TRPM5: variants seen among roughly 807,000 people sequenced by gnomAD.
TRPM5 encodes the protein transient receptor potential cation channel subfamily M member 5.
In TRPM5, 121 loss-of-function variants were observed where a neutral mutation model predicts 124.9. That is an observed-to-expected ratio of 0.97 (90% CI 0.84 to 1.13). TRPM5 has a LOEUF of 1.13. Ranked by LOEUF, TRPM5 falls within the 50% of genes most tolerant of loss-of-function variation. The pLI, the probability that TRPM5 is intolerant of heterozygous loss-of-function variation, is 0.00. For missense variants in TRPM5, 1,643 were observed against 1,589.1 expected (o/e 1.03, Z -0.58); for synonymous variants, 781 against 700.5 (o/e 1.11, Z -1.81).
chr11:2,420,193 C>T (rs1193135349), intron 4 of TRPM5, 29 bp downstream of exon 9: 2 of 1,568,984 alleles, frequency 1.3e-6, no homozygotes, highest in South Asian at 1.1e-5. Context: ...GGTCCCAAGG[C>T]TTCCCTGGGT....
the TRPM5 span, among the ~76,000 whole-genome samples, chr11:2,431,235 G>A: frequency 6.6e-6 from 1 of 152,036 alleles, no homozygotes; most frequent in African/African-American, 2.4e-5. Flanking sequence ...CTCAGACCAG[G>A]GACCCCACAA....
chr11:2,410,747 C>T (rs1047279131), intron 18 of TRPM5: 12 of 449,790 alleles, frequency 2.7e-5, no homozygotes, highest in Non-Finnish European at 4.9e-5. Context: ...CCTGGGGACA[C>T]CCATAGGCAT....
At position 2,409,334 on chromosome 11, in the gene TRPM5, C is replaced by T. The variant is rs376447793; in HGVS notation, c.2783-1422G>A. Among the ~76,000 whole-genome samples the T allele has an allele frequency of 1.4e-4, 22 of 152,118 alleles. 1 individual carries two copies. In the East Asian group the frequency reaches 3.9e-3, roughly 27 times the overall value. On this transcript the variant is annotated intron_variant, in intron 18 of 23. Coordinates refer to ENST00000155858, the Ensembl canonical transcript of TRPM5. ...AGCGGGCCGGGGCCAGCCTGGAGAGCCTGTTTGTGAAGCCGTAAATCTGTC... is the reference window on the plus strand; with the variant it reads ...AGCGGGCCGGGGCCAGCCTGGAGAGTCTGTTTGTGAAGCCGTAAATCTGTC...
the TRPM5 span, among the ~76,000 whole-genome samples, chr11:2,440,676 G>A: frequency 6.6e-6 from 1 of 152,154 alleles, no homozygotes; most frequent in Admixed American, 6.5e-5. This position sits in a 1 kb window ranked among gnomAD's most constrained non-coding sequence, Gnocchi z 5.2. Flanking sequence ...ACTACCTGGT[G>A]GTGAGACAGC....
intron 12 of TRPM5, 52 bp downstream of exon 17, chr11:2,414,009 G>T: frequency 2.9e-6 from 3 of 1,023,734 alleles, no homozygotes; most frequent in South Asian, 1.5e-5. Context: ...GGCCCAGCTC[G>T]CCCGCCCACC....
chr11:2,406,387 G>C (rs1850323478), intron 21 of TRPM5, among the ~76,000 whole-genome samples: 2 of 152,156 alleles, frequency 1.3e-5, no homozygotes. Flanking sequence ...GCCAGGGCTG[G>C]AGGGAAGCCA....
At chr11:2,413,736 G>A in intron 12 of TRPM5, 148 bp from the exon 18 acceptor site, 1 of 793,996 alleles carries the variant, frequency 1.3e-6, no homozygotes, top group Non-Finnish European at 2.1e-6. Flanking sequence ...CCCCGTCCTG[G>A]TGGGCATGTG....
At chr11:2,410,720 C>A (rs1589867929) in intron 18 of TRPM5, 1 of 455,472 alleles carries the variant, frequency 2.2e-6, no homozygotes, top group Non-Finnish European at 4.4e-6. Flanking sequence ...CCAGCCCCAG[C>A]CAGCTACAGG....
At chr11:2,441,642 C>A in the TRPM5 span, among the ~76,000 whole-genome samples, 1 of 152,130 alleles carries the variant, frequency 6.6e-6, no homozygotes, top group Admixed American at 6.5e-5. The surrounding 1 kb of genome is among the most constrained non-coding windows in gnomAD (Gnocchi z 7.2). Context: ...CAGCTCAGGG[C>A]CCAGGAGACA....
intron 6 of TRPM5, 50 bp from the exon 12 acceptor site, chr11:2,417,879 G>T (rs1371005500): frequency 1.3e-6 from 2 of 1,501,476 alleles, no homozygotes; most frequent in East Asian, 4.9e-5. Flanking sequence ...CAGGACGGGG[G>T]CAGAGGCAGG....
chr11:2,404,872 CAG>C, exon 24 of TRPM5: 1 of 1,403,836 alleles, frequency 7.1e-7, no homozygotes, highest in African/African-American at 1.4e-5. Context: ...CGGCAAAGGT[CAG>C]TGCACAACGT....
chr11:2,435,892 G>A, the TRPM5 span, among the ~76,000 whole-genome samples: 2 of 152,198 alleles, frequency 1.3e-5, no homozygotes, highest in African/African-American at 4.8e-5. The surrounding 1 kb of genome is among the most constrained non-coding windows in gnomAD (Gnocchi z 4.1). Context: ...CCAGGATGGC[G>A]AGTCAGTCTC....
upstream of TRPM5, among the ~76,000 whole-genome samples, chr11:2,424,915 C>T (rs1282302743): frequency 6.6e-6 from 1 of 152,232 alleles, no homozygotes; most frequent in African/African-American, 2.4e-5. Flanking sequence ...CCTCCTCCGG[C>T]CAGGCCTGTG....
At chr11:2,411,993 C>A in intron 16 of TRPM5, 142 bp downstream of exon 21, 2 of 917,958 alleles carry the variant, frequency 2.2e-6, no homozygotes, top group Non-Finnish European at 3.4e-6. Context: ...CCTCAACTTC[C>A]CTGGCTCAAG....
rs369858789 is a variant in TRPM5 at position 2,407,740 on chromosome 11, A to G, written c.2936+19T>C. 1 of 1,612,288 alleles carries G rather than the reference A, an allele frequency of 6.2e-7. No individual in the cohort carries two copies. Among genetic ancestry groups the G allele is most frequent in the Non-Finnish European group, 8.5e-7 (1 of 1,179,284 alleles). The stretch of plus-strand genomic sequence containing the variant: ...CCTCCGCTCCAGGGCTCTCTCCTCC[A>G]GGGGTTGGGTGGAGTCACCTGAACA... On this transcript the variant is annotated intron_variant, in intron 19 of 23. Coordinates refer to ENST00000155858, the Ensembl canonical transcript of TRPM5.
chr11:2,420,226 G>A (rs138449434), exon 4 of TRPM5: 844 of 1,596,896 alleles, frequency 5.3e-4, no homozygotes, highest in Non-Finnish European at 6.4e-4. Context: ...TCTCACCCCC[G>A]TAGCCCGCCC....
the TRPM5 span, among the ~76,000 whole-genome samples, chr11:2,437,525 C>A: frequency 1.3e-5 from 2 of 152,108 alleles, no homozygotes; most frequent in Admixed American, 1.3e-4. This position sits in a 1 kb window ranked among gnomAD's most constrained non-coding sequence, Gnocchi z 5.6. Flanking sequence ...GTGGAGTGAC[C>A]ATCTGACATA....
At chr11:2,428,903 G>A in the TRPM5 span, among the ~76,000 whole-genome samples, 7 of 149,420 alleles carry the variant, frequency 4.7e-5, no homozygotes, top group African/African-American at 1.7e-4. This position sits in a 1 kb window ranked among gnomAD's most constrained non-coding sequence, Gnocchi z 4.0. Flanking sequence ...GGTGGTGTTG[G>A]TGTTGGTATT....
At chr11:2,422,789 G>C in intron 1 of TRPM5, 131 bp downstream of exon 6, 1 of 794,332 alleles carries the variant, frequency 1.3e-6, no homozygotes, top group Non-Finnish European at 2.2e-6. Flanking sequence ...TGGGGGCTCT[G>C]AATATGGCCC....
Sources: gnomAD v4.1 joint callset for allele counts (sites outside exome capture counted in the v4.1 genomes callset) on GRCh38, gnomAD v4.1.1 for gene constraint, Gnocchi (gnomAD v3.1) non-coding constraint, MANE v1.5 for transcripts, NCBI Gene and HGNC (gene_info 2026-07-23, HGNC 2026-07-21) for gene names.